Variants in DNAJC1 observed in about 807,000 individuals in gnomAD.
DNAJC1 encodes the protein dnaJ homolog subfamily C member 1.
Under a neutral mutation model 76.6 loss-of-function variants are expected in DNAJC1, and 58 were observed. The observed-to-expected ratio is 0.76, with a 90% CI of 0.61 to 0.94. The LOEUF (loss-of-function observed/expected upper bound fraction) is 0.94. DNAJC1 is among the 40% of genes least tolerant of loss of function. DNAJC1 has a pLI of 0.00. For missense variants in DNAJC1, 689 were observed against 677.3 expected (o/e 1.02, Z -0.19); for synonymous variants, 258 against 267.9 (o/e 0.96, Z 0.36).
chr10:21,949,807 T>G (rs949690454), intron 1 of DNAJC1, among the ~76,000 whole-genome samples: 1 of 151,992 alleles, frequency 6.6e-6, no homozygotes, highest in Non-Finnish European at 1.5e-5. Flanking sequence ...TAAGGAGGAC[T>G]GATATTTCAT....
rs1045304323 is a variant in DNAJC1, at chr10:21,941,164, G to A, written c.223-12023C>T. On this transcript the variant is annotated intron_variant, in intron 1 of 11. Transcript: ENST00000376980. ...GGTGCCTGTAGTCCCAGCTACTCGG[G>A]AGGCTGAGGCAGGAGAATGGCGGGA... Among the ~76,000 whole-genome samples the A allele has an allele frequency of 2.7e-5, 4 of 149,402 alleles. No individual in the cohort carries two copies. In the South Asian group the frequency reaches 8.5e-4, roughly 32 times the overall value.
intron 3 of DNAJC1, among the ~76,000 whole-genome samples, chr10:21,921,700 C>T (rs148617987): frequency 3.5e-4 from 53 of 152,100 alleles, no homozygotes; most frequent in African/African-American, 1.3e-3. Flanking sequence ...CAAGTAAAAG[C>T]TTTCCTAGTC....
chr10:21,946,080 G>A (rs879786319), intron 1 of DNAJC1, among the ~76,000 whole-genome samples: 1 of 33,474 alleles, frequency 3.0e-5, no homozygotes, highest in Non-Finnish European at 5.2e-5. Flanking sequence ...TTGCTCTGTT[G>A]CCCAGGCTGG....
At chr10:21,996,346 T>C (rs890371996) in intron 1 of DNAJC1, among the ~76,000 whole-genome samples, 3 of 152,220 alleles carry the variant, frequency 2.0e-5, no homozygotes, top group African/African-American at 7.2e-5. Flanking sequence ...AGAAAAGGTT[T>C]ATTACAGACA....
intron 7 of DNAJC1, among the ~76,000 whole-genome samples, chr10:21,887,839 T>C (rs888924770): frequency 2.0e-5 from 3 of 152,122 alleles, no homozygotes; most frequent in Non-Finnish European, 4.4e-5. Flanking sequence ...CAAGATTTCA[T>C]TACAAAGACA....
At chr10:21,975,128 G>C (rs1402387649) in intron 1 of DNAJC1, among the ~76,000 whole-genome samples, 2 of 152,010 alleles carry the variant, frequency 1.3e-5, no homozygotes, top group African/African-American at 4.8e-5. Context: ...TATATGTAAT[G>C]TTTTCATTTT....
At chr10:21,957,365 AT>A (rs1837706782) in intron 1 of DNAJC1, among the ~76,000 whole-genome samples, 1 of 152,008 alleles carries the variant, frequency 6.6e-6, no homozygotes, top group Non-Finnish European at 1.5e-5. Context: ...CTTTTCCTCT[AT>A]TATCCTATTT....
At chr10:21,998,203 C>T (rs946221902) in intron 1 of DNAJC1, among the ~76,000 whole-genome samples, 8 of 151,820 alleles carry the variant, frequency 5.3e-5, no homozygotes, top group Non-Finnish European at 1.2e-4. Flanking sequence ...TCGGCCTGAC[C>T]AACATGGCGA....
chr10:21,971,244 T>C (rs1055265871), intron 1 of DNAJC1, among the ~76,000 whole-genome samples: 2 of 151,940 alleles, frequency 1.3e-5, no homozygotes, highest in East Asian at 1.9e-4. Context: ...TAGTGAATAG[T>C]TCCCTTTTAA....
At chr10:21,881,051 T>C (rs1427733867) in intron 8 of DNAJC1, among the ~76,000 whole-genome samples, 1 of 152,248 alleles carries the variant, frequency 6.6e-6, no homozygotes, top group Non-Finnish European at 1.5e-5. Flanking sequence ...ACTTTTATGT[T>C]ATGGAGACAG....
chr10:21,813,042 C>T (rs931939466), intron 8 of DNAJC1, among the ~76,000 whole-genome samples: 2 of 143,790 alleles, frequency 1.4e-5, no homozygotes, highest in Admixed American at 7.1e-5. Context: ...CACACACACA[C>T]ACACACACAC....
chr10:21,898,163 C>G (rs1208647367), intron 7 of DNAJC1, among the ~76,000 whole-genome samples: 2 of 152,224 alleles, frequency 1.3e-5, no homozygotes, highest in African/African-American at 2.4e-5. Context: ...AAAACACACA[C>G]AGGATTTAAT....
intron 1 of DNAJC1, among the ~76,000 whole-genome samples, chr10:21,934,218 T>TAA (rs568770649): frequency 7.2e-6 from 1 of 138,558 alleles, no homozygotes; most frequent in Non-Finnish European, 1.6e-5. Context: ...GTTTAAAAAG[T>TAA]AAAAAAAAAA....
At position 21,929,148 on chromosome 10, in the gene DNAJC1, G is replaced by A. The variant is rs376949507; in HGVS notation, c.223-7C>T. ...TGTCTGCAGATGATGCATCCTGGAG[G>A]TGGTAGGGGGAGGGGAAAATACAAA... is the stretch of plus-strand genomic sequence containing the variant. On this transcript the variant is annotated splice_region_variant and splice_polypyrimidine_tract_variant and intron_variant, in intron 1 of 11. Transcript: ENST00000376980. 6.3e-7 allele frequency: 1 copy of A among 1,592,034 alleles called. No individual in the cohort carries two copies. The highest frequency in any genetic ancestry group is 1.3e-5 in the African/African-American group (1 of 74,144).
chr10:21,871,924 T>C (rs564803521), intron 8 of DNAJC1, among the ~76,000 whole-genome samples: 2 of 151,732 alleles, frequency 1.3e-5, no homozygotes, highest in Admixed American at 6.6e-5. Context: ...TGTGAATCAC[T>C]GTGCCCAGCC....
At chr10:21,971,187 T>A (rs1837971361) in intron 1 of DNAJC1, among the ~76,000 whole-genome samples, 1 of 151,850 alleles carries the variant, frequency 6.6e-6, no homozygotes, top group Non-Finnish European at 1.5e-5. Context: ...GCATAACACC[T>A]TTGAACTTAT....
At chr10:21,805,174 G>A (rs1392904633) in intron 9 of DNAJC1, among the ~76,000 whole-genome samples, 1 of 151,890 alleles carries the variant, frequency 6.6e-6, no homozygotes, top group African/African-American at 2.4e-5. Context: ...AACCCTCTAA[G>A]TATTTTTGGA....
At chr10:21,849,384 T>A in intron 8 of DNAJC1, among the ~76,000 whole-genome samples, 1 of 135,888 alleles carries the variant, frequency 7.4e-6, no homozygotes, top group Non-Finnish European at 1.6e-5. Context: ...CTGAAGGAAG[T>A]AGAAAAAGGA....
intron 9 of DNAJC1, among the ~76,000 whole-genome samples, chr10:21,779,802 A>G (rs946607289): frequency 6.6e-6 from 1 of 152,206 alleles, no homozygotes; most frequent in African/African-American, 2.4e-5. Flanking sequence ...TCTCCAAGCT[A>G]AAGGAGGATG....
Sources: gnomAD v4.1 joint callset for allele counts (sites outside exome capture counted in the v4.1 genomes callset) on GRCh38, gnomAD v4.1.1 for gene constraint, MANE v1.5 for transcripts, NCBI Gene and HGNC (gene_info 2026-07-23, HGNC 2026-07-21) for gene names.